The following POU6F2 variants were observed in gnomAD, a reference collection of about 807,000 sequenced individuals.
POU6F2 encodes the protein POU class 6 homeobox 2, also known as POU domain, class 6, transcription factor 2.
A neutral mutation model predicts 71.3 loss-of-function variants in POU6F2; 31 were observed. The ratio of observed to expected loss-of-function variants is 0.43; its 90% CI spans 0.33 to 0.59. The LOEUF (loss-of-function observed/expected upper bound fraction) is 0.59. Among genes scored for constraint, POU6F2 ranks in the 20% least tolerant of loss-of-function variants. POU6F2 has a pLI of 0.04. For missense variants in POU6F2, 783 were observed against 856.8 expected (o/e 0.91, Z 1.07); for synonymous variants, 347 against 355.7 (o/e 0.98, Z 0.27).
chr7:39,016,186 CTA>C (rs1250430281), intron 1 of POU6F2, among the ~76,000 whole-genome samples: 2 of 132,848 alleles, frequency 1.5e-5, no homozygotes, highest in Middle Eastern at 4.1e-3. Context: ...TACATTATAT[CTA>C]TATTATATAT....
At chr7:39,206,674 CTA>C (rs1794017699) in intron 3 of POU6F2, among the ~76,000 whole-genome samples, 1 of 152,088 alleles carries the variant, frequency 6.6e-6, no homozygotes, top group African/African-American at 2.4e-5. Context: ...ATTTTAATGA[CTA>C]TGCAATATTT....
intron 1 of POU6F2, among the ~76,000 whole-genome samples, chr7:39,043,766 G>T (rs954270308): frequency 3.6e-4 from 54 of 151,884 alleles, no homozygotes; most frequent in Non-Finnish European, 4.4e-5. Flanking sequence ...ATGTTACCTG[G>T]CATGGACTTG....
intron 4 of POU6F2, among the ~76,000 whole-genome samples, chr7:39,308,709 C>T (rs1440823581): frequency 6.6e-6 from 1 of 152,310 alleles, no homozygotes; most frequent in East Asian, 1.9e-4. Flanking sequence ...GAGGCCATTG[C>T]TCCTGGGGGC....
rs186041760 is a variant in POU6F2 at position 39,360,190 on chromosome 7, G to C, written c.972+20175G>C. ...GCATTTTCAGATAGTATCTTCCTAC[G>C]GTTAAGGTACATGTGAAATATTAAC... On this transcript the variant is annotated intron_variant, in intron 5 of 9. Coordinates refer to ENST00000518318, the MANE Select transcript of POU6F2 (RefSeq NM_001370959.1). Among the ~76,000 whole-genome samples, 3 of 152,186 alleles carry C rather than the reference G, an allele frequency of 2.0e-5. No individual in the cohort carries two copies. The East Asian group carries it at 5.8e-4, about 29-fold the overall frequency.
At chr7:39,286,550 C>T (rs993512060) in intron 4 of POU6F2, among the ~76,000 whole-genome samples, 1 of 152,084 alleles carries the variant, frequency 6.6e-6, no homozygotes, top group African/African-American at 2.4e-5. Flanking sequence ...AGTTTTCTGG[C>T]CTCTCCTTGA....
intron 4 of POU6F2, among the ~76,000 whole-genome samples, chr7:39,215,972 C>G (rs895794066): frequency 2.6e-5 from 4 of 152,222 alleles, no homozygotes; most frequent in African/African-American, 9.6e-5. Flanking sequence ...GAAGCAGCCC[C>G]TGTCTGGGAT....
intron 2 of POU6F2, among the ~76,000 whole-genome samples, chr7:39,126,073 A>G (rs913180835): frequency 5.9e-5 from 9 of 152,160 alleles, no homozygotes; most frequent in African/African-American, 2.2e-4. Flanking sequence ...CTGTGATGCA[A>G]TGCAAAGTGA....
intron 4 of POU6F2, among the ~76,000 whole-genome samples, chr7:39,213,999 G>A (rs557418185): frequency 1.3e-5 from 2 of 152,314 alleles, no homozygotes; most frequent in South Asian, 2.1e-4. Flanking sequence ...AGATGCTGGA[G>A]ATCTAATGGG....
At position 39,193,520 on chromosome 7, in the gene POU6F2, T is replaced by C. The variant is rs2128743582; in HGVS notation, c.278-10715T>C. 2.0e-5 allele frequency among the ~76,000 whole-genome samples: 3 copies of C among 152,332 alleles called. No homozygotes were observed. In the Middle Eastern group the frequency reaches 0.01, roughly 518 times the overall value. On this transcript the variant is annotated intron_variant, in intron 2 of 9. Coordinates refer to ENST00000518318, the MANE Select transcript of POU6F2 (RefSeq NM_001370959.1). ...AGTCTTGAAGTCAAATGGAATTGCA[T>C]TCAGATCCCAACTCTATCACTCACT... is the stretch of plus-strand genomic sequence containing the variant.
At chr7:39,003,536 G>A (rs1162348633) in intron 1 of POU6F2, among the ~76,000 whole-genome samples, 2 of 147,404 alleles carry the variant, frequency 1.4e-5, no homozygotes, top group South Asian at 2.1e-4. Context: ...TCAGGAGATC[G>A]AGACCATCGG....
intron 2 of POU6F2, among the ~76,000 whole-genome samples, chr7:39,201,022 G>C (rs6955746): frequency 6.6e-6 from 1 of 151,822 alleles, no homozygotes; most frequent in South Asian, 2.1e-4. Context: ...GTGAGATACT[G>C]TCTCTCTCAA....
intron 4 of POU6F2, among the ~76,000 whole-genome samples, chr7:39,252,915 T>C (rs924442974): frequency 1.3e-5 from 2 of 152,224 alleles, no homozygotes; most frequent in African/African-American, 4.8e-5. Flanking sequence ...ATAGACCATG[T>C]ATTTCCCTGA....
chr7:39,108,837 A>C (rs1467523773), intron 2 of POU6F2, among the ~76,000 whole-genome samples: 1 of 152,212 alleles, frequency 6.6e-6, no homozygotes, highest in Non-Finnish European at 1.5e-5. Flanking sequence ...TGCACTCTTG[A>C]GATGTTTTTA....
chr7:39,401,888 A>G (rs979422566), intron 5 of POU6F2, among the ~76,000 whole-genome samples: 1 of 152,240 alleles, frequency 6.6e-6, no homozygotes, highest in African/African-American at 2.4e-5. Context: ...ATCATGGGCA[A>G]TTATGCTCCA....
chr7:39,270,748 A>G (rs1359472068), intron 4 of POU6F2, among the ~76,000 whole-genome samples: 1 of 152,116 alleles, frequency 6.6e-6, no homozygotes, highest in South Asian at 2.1e-4. Flanking sequence ...TTATCTTTCT[A>G]TCAATTAGCT....
chr7:39,396,389 C>G (rs1435820814), intron 5 of POU6F2, among the ~76,000 whole-genome samples: 1 of 152,172 alleles, frequency 6.6e-6, no homozygotes, highest in Non-Finnish European at 1.5e-5. Context: ...TCATTTATTT[C>G]CTTCCCCTCC....
intron 1 of POU6F2, among the ~76,000 whole-genome samples, chr7:39,030,500 C>CTATATATGTA (rs1554310457): frequency 6.5e-5 from 3 of 46,246 alleles, no homozygotes; most frequent in African/African-American, 1.9e-4. Flanking sequence ...TCAAAAAATA[C>CTATATATGTA]TATATATATA....
intron 1 of POU6F2, among the ~76,000 whole-genome samples, chr7:39,025,271 A>G (rs530633213): frequency 1.6e-4 from 25 of 152,278 alleles, no homozygotes; most frequent in Middle Eastern, 3.4e-3. Flanking sequence ...CATTTCTTCT[A>G]GATTTTCTAG....
At chr7:38,994,061 CTTT>C (rs1788676521) in intron 1 of POU6F2, among the ~76,000 whole-genome samples, 1 of 152,164 alleles carries the variant, frequency 6.6e-6, no homozygotes, top group Non-Finnish European at 1.5e-5. Flanking sequence ...GCCAACTCTT[CTTT>C]GTTATTCTCA....
Sources: gnomAD v4.1 joint callset for allele counts (sites outside exome capture counted in the v4.1 genomes callset) on GRCh38, gnomAD v4.1.1 for gene constraint, MANE v1.5 for transcripts, NCBI Gene and HGNC (gene_info 2026-07-23, HGNC 2026-07-21) for gene names.